The following IPMK variants were observed in gnomAD, a reference collection of about 807,000 sequenced individuals.
IPMK encodes inositol 1,3,4,6-tetrakisphosphate 5-kinase.
IPMK carries 17 observed loss-of-function variants against 45.8 expected under a neutral mutation model. The observed-to-expected ratio is 0.37, with a 90% CI of 0.25 to 0.56. The LOEUF (loss-of-function observed/expected upper bound fraction) is 0.56, where lower values mean the gene tolerates loss of function less well. Ranked by LOEUF, IPMK falls within the 20% of genes least tolerant of loss-of-function variation. The pLI, the probability that IPMK is intolerant of heterozygous loss-of-function variation, is 0.79. For synonymous variants in IPMK, 180 were observed against 184.3 expected (o/e 0.98, Z 0.19); for missense variants, 399 against 498.0 (o/e 0.80, Z 1.89).
intron 1 of IPMK, 61 bp downstream of exon 1, chr10:58,267,361 G>A (rs1839163981): frequency 1.9e-6 from 3 of 1,564,510 alleles, no homozygotes; most frequent in Admixed American, 1.7e-5. Context: ...GGCTGCCTCC[G>A]CTGACAGGGG....
chr10:58,267,389 G>C, intron 1 of IPMK, 33 bp downstream of exon 1: 1 of 1,607,454 alleles, frequency 6.2e-7, no homozygotes, highest in Non-Finnish European at 8.5e-7. Context: ...CAGGCGGAAG[G>C]GGAGCGGCGA....
chr10:58,258,333 T>C (rs1368394909), intron 1 of IPMK, among the ~76,000 whole-genome samples: 3 of 151,242 alleles, frequency 2.0e-5, no homozygotes, highest in African/African-American at 2.4e-5. Flanking sequence ...AAAAATAGAA[T>C]ATTAGTAATG....
chr10:58,216,394 T>C (rs535867594), intron 3 of IPMK, 77 bp from the exon 4 acceptor site: 4 of 618,556 alleles, frequency 6.5e-6, no homozygotes, highest in South Asian at 8.0e-5. Flanking sequence ...AAAAACAAGA[T>C]GAGAAAATCC....
At chr10:58,209,564 G>A (rs184541892) in intron 4 of IPMK, among the ~76,000 whole-genome samples, 3 of 152,292 alleles carry the variant, frequency 2.0e-5, no homozygotes, top group South Asian at 2.1e-4. Context: ...TCCAGGCTCC[G>A]GTATGTGCTG....
At chr10:58,266,660 TA>T (rs1839152362) in intron 1 of IPMK, among the ~76,000 whole-genome samples, 1 of 152,136 alleles carries the variant, frequency 6.6e-6, no homozygotes, top group South Asian at 2.1e-4. Flanking sequence ...ACGGGTAAAC[TA>T]GATGAATTAG....
intron 4 of IPMK, among the ~76,000 whole-genome samples, chr10:58,207,894 C>G (rs1459011477): frequency 6.6e-6 from 1 of 152,042 alleles, no homozygotes; most frequent in East Asian, 1.9e-4. Context: ...ACCAATTATT[C>G]TTAGGTTTGG....
intron 4 of IPMK, among the ~76,000 whole-genome samples, chr10:58,203,238 CTG>C (rs1405512063): frequency 1.3e-5 from 2 of 152,286 alleles, no homozygotes; most frequent in Admixed American, 6.5e-5. Flanking sequence ...AGAATTAAGA[CTG>C]AAGGCTGAAG....
chr10:58,237,823 C>CA lies in IPMK; in HGVS notation c.191-10dup, dbSNP rs753069771. 1 of 1,603,146 alleles carries CA rather than the reference C, an allele frequency of 6.2e-7. No homozygotes were observed. The highest frequency in any genetic ancestry group is 1.3e-5 in the African/African-American group (1 of 74,654). On this transcript the variant is annotated splice_polypyrimidine_tract_variant and intron_variant, in intron 1 of 5. Coordinates refer to ENST00000373935, the MANE Select transcript of IPMK (RefSeq NM_152230.5). ...TGGATGTTGCAGTATACCTATGGAA[C>CA]AAAAATCAGAAATTGTTTAATGCTT...
intron 2 of IPMK, among the ~76,000 whole-genome samples, chr10:58,233,993 A>T (rs922667378): frequency 6.6e-6 from 1 of 152,228 alleles, no homozygotes; most frequent in African/African-American, 2.4e-5. Flanking sequence ...CAATGTACAA[A>T]AATCACAAGC....
At chr10:58,256,101 C>T (rs56729711) in intron 1 of IPMK, among the ~76,000 whole-genome samples, 9,231 of 152,142 alleles carry the variant, frequency 0.061, 331 homozygotes, top group African/African-American at 0.087. Flanking sequence ...TGAAATCTGG[C>T]CACCTTGAAA....
chr10:58,241,754 G>A (rs76294626), intron 1 of IPMK, among the ~76,000 whole-genome samples: 5,212 of 151,966 alleles, frequency 0.034, 137 homozygotes, highest in Non-Finnish European at 0.056. Context: ...GATACATTCT[G>A]TTGGTTCAAG....
chr10:58,218,120 G>A lies in IPMK; in HGVS notation c.374-1803C>T, dbSNP rs567217167. ...TTATAACTCTGTAGAACTAAGTGAA[G>A]TTAAGCCCAAATATGACAAAAAAGT... is the stretch of plus-strand genomic sequence containing the variant. On this transcript the variant is annotated intron_variant, in intron 3 of 5. Coordinates refer to ENST00000373935, the MANE Select transcript of IPMK (RefSeq NM_152230.5). 2.2e-4 allele frequency among the ~76,000 whole-genome samples: 34 copies of A among 152,334 alleles called. No individual in the cohort carries two copies. In the South Asian group the frequency reaches 7.0e-3, roughly 32 times the overall value.
chr10:58,235,359 A>C (rs113146262), intron 2 of IPMK, among the ~76,000 whole-genome samples: 2,698 of 152,294 alleles, frequency 0.018, 89 homozygotes, highest in African/African-American at 0.059. Context: ...ATAAAGATAC[A>C]TGTAGACGTA....
intron 4 of IPMK, among the ~76,000 whole-genome samples, chr10:58,215,722 C>T (rs1240097434): frequency 6.6e-6 from 1 of 152,152 alleles, no homozygotes; most frequent in African/African-American, 2.4e-5. Flanking sequence ...ACAATTACCA[C>T]ATTTTAAATT....
At position 58,211,919 on chromosome 10, in the gene IPMK, A is replaced by AAAAAAAAATAAAAT. The variant is rs967150743; in HGVS notation, c.546+4225_546+4226insATTTTATTTTTTTT. ...ATCTCACCAAAAAAAAAAAAAAAAA[A>AAAAAAAAATAAAAT]AAAAAATTTGTTTTCATTGTTGTGG... On this transcript the variant is annotated intron_variant, in intron 4 of 5. Transcript: ENST00000373935. 2.2e-4 allele frequency among the ~76,000 whole-genome samples: 32 copies of AAAAAAAAATAAAAT among 148,280 alleles called. 1 individual carries two copies. The highest frequency in any genetic ancestry group is 8.1e-4 in the African/African-American group (31 of 38,290).
intron 5 of IPMK, among the ~76,000 whole-genome samples, chr10:58,197,363 A>T (rs1837917158): frequency 6.6e-6 from 1 of 150,722 alleles, no homozygotes; most frequent in South Asian, 2.1e-4. Context: ...AAAAAATAGG[A>T]TTCCAGGCCG....
chr10:58,192,507 T>C lies in IPMK; in HGVS notation c.*3569A>G, dbSNP rs1401626453. 1 of 152,066 alleles carries C rather than the reference T, an allele frequency of 6.6e-6. No homozygotes were observed. Among genetic ancestry groups the C allele is most frequent in the Non-Finnish European group, 1.5e-5 (1 of 67,918 alleles). The allele number at this position is 152,066 out of a possible 1,614,324, so 9.4% of individuals were successfully genotyped here. A position where few individuals can be genotyped will look rare whatever the true frequency, so the allele number is the denominator to read the frequency against. ...TATTACTTCTAACTTCAACTATTGT[T>C]AGATGCTTCATTTCAACCCCACACT... On this transcript the variant is annotated 3_prime_UTR_variant, in exon 6 of 6. Transcript: ENST00000373935.
intron 4 of IPMK, among the ~76,000 whole-genome samples, chr10:58,209,790 G>A (rs2095893): frequency 0.34 from 51,473 of 152,038 alleles, 10,965 homozygotes; most frequent in African/African-American, 0.61. Flanking sequence ...GGGTGTTGGA[G>A]GCAGTAGCTT....
chr10:58,240,908 C>G (rs964494734), intron 1 of IPMK, among the ~76,000 whole-genome samples: 1 of 152,110 alleles, frequency 6.6e-6, no homozygotes, highest in Non-Finnish European at 1.5e-5. Context: ...ATCAGAGGTA[C>G]AGGCATTAAG....
Sources: allele counts gnomAD v4.1 joint callset (sites outside exome capture counted in the v4.1 genomes callset), GRCh38; gene constraint gnomAD v4.1.1; transcripts MANE v1.5; gene names NCBI Gene and HGNC (gene_info 2026-07-23, HGNC 2026-07-21).